DTNA: variants seen among roughly 807,000 people sequenced by gnomAD.
DTNA encodes the protein dystrophin-related protein 3.
DTNA carries 43 observed loss-of-function variants against 100.7 expected under a neutral mutation model. The observed-to-expected ratio is 0.43, with a 90% CI of 0.33 to 0.55. The LOEUF (loss-of-function observed/expected upper bound fraction) is 0.55. Among genes scored for constraint, DTNA ranks in the 20% least tolerant of loss-of-function variants. DTNA has a pLI of 0.04. For synonymous variants in DTNA, 349 were observed against 347.9 expected, an observed-to-expected ratio of 1.00 and a Z score of -0.04; for missense variants, 798 against 953.9, an observed-to-expected ratio of 0.84 and a Z score of 2.15.
intron 1 of DTNA, among the ~76,000 whole-genome samples, chr18:34,723,114 A>G (rs983488389): frequency 6.6e-6 from 1 of 152,242 alleles, no homozygotes; most frequent in East Asian, 1.9e-4. Context: ...AAAGTTCACC[A>G]TGGAAAATCA....
chr18:34,712,644 G>A (rs905526119), intron 1 of DTNA, among the ~76,000 whole-genome samples: 6 of 152,178 alleles, frequency 3.9e-5, no homozygotes, highest in Admixed American at 2.6e-4. Context: ...GACTTTTGAT[G>A]TACTTGCTTT....
At chr18:34,819,223 C>T (rs2149425365) in intron 8 of DTNA, among the ~76,000 whole-genome samples, 1 of 152,264 alleles carries the variant, frequency 6.6e-6, no homozygotes, top group Non-Finnish European at 1.5e-5. Context: ...AACCTTTAGT[C>T]TTTACTTAAA....
intron 1 of DTNA, among the ~76,000 whole-genome samples, chr18:34,617,675 C>T (rs2055592065): frequency 6.6e-6 from 1 of 152,120 alleles, no homozygotes; most frequent in South Asian, 2.1e-4. Flanking sequence ...CCTCAATGTT[C>T]TGGAATAGTT....
chr18:34,817,190 G>A lies in DTNA; in HGVS notation c.710-974G>A, dbSNP rs562246738. ...AGTCCCACTCTAGTCTTTCTCAAGA[G>A]CCGGGAAGAAAGGTTATGACACTTG... On this transcript the variant is annotated intron_variant, in intron 7 of 22. Coordinates refer to ENST00000444659, the MANE Select transcript of DTNA (RefSeq NM_001386795.1). Among the ~76,000 whole-genome samples, 29 of 152,322 alleles carry A rather than the reference G, an allele frequency of 1.9e-4. No homozygotes were observed. The East Asian group carries it at 5.2e-3, about 27-fold the overall frequency.
At chr18:34,758,309 A>G (rs8092016) in intron 2 of DTNA, among the ~76,000 whole-genome samples, 1 of 152,124 alleles carries the variant, frequency 6.6e-6, no homozygotes, top group African/African-American at 2.4e-5. Context: ...ATATTTAAAG[A>G]AAAAACAACA....
chr18:34,689,726 T>C (rs1189016978), intron 1 of DTNA, among the ~76,000 whole-genome samples: 1 of 152,186 alleles, frequency 6.6e-6, no homozygotes, highest in Non-Finnish European at 1.5e-5. Flanking sequence ...ATGTTTAAGT[T>C]TGCTGAAGCT....
At chr18:34,735,019 T>C (rs2089234850) in intron 1 of DTNA, among the ~76,000 whole-genome samples, 1 of 152,126 alleles carries the variant, frequency 6.6e-6, no homozygotes, top group Non-Finnish European at 1.5e-5. Context: ...GTCAGGGTTG[T>C]CTAGAAGGAC....
chr18:34,785,669 C>G (rs1485278630), intron 3 of DTNA, among the ~76,000 whole-genome samples: 1 of 151,996 alleles, frequency 6.6e-6, no homozygotes, highest in Non-Finnish European at 1.5e-5. Flanking sequence ...ATGTCAAATC[C>G]CATTGTATAC....
chr18:34,694,202 C>T (rs2080195872), intron 1 of DTNA, among the ~76,000 whole-genome samples: 1 of 152,068 alleles, frequency 6.6e-6, no homozygotes, highest in Non-Finnish European at 1.5e-5. Flanking sequence ...TGCTAATTGC[C>T]CCTTTACTTC....
intron 1 of DTNA, among the ~76,000 whole-genome samples, chr18:34,604,653 T>C (rs963615646): frequency 1.3e-5 from 2 of 152,222 alleles, no homozygotes; most frequent in Non-Finnish European, 2.9e-5. Flanking sequence ...AAATATCTTA[T>C]GTAGCTGTTT....
At chr18:34,504,062 T>C (rs2040234615) in intron 1 of DTNA, 1 of 151,998 alleles carries the variant, frequency 6.6e-6, no homozygotes, top group East Asian at 1.9e-4. Flanking sequence ...TTCACTGTGT[T>C]AGCCAGGATG....
chr18:34,612,940 A>G (rs2054526136), intron 1 of DTNA, among the ~76,000 whole-genome samples: 1 of 152,160 alleles, frequency 6.6e-6, no homozygotes, highest in South Asian at 2.1e-4. Flanking sequence ...GTCATATTTC[A>G]TTTTATTGCA....
rs1250019215 is a variant in DTNA at position 34,556,470 on chromosome 18, G to C, written c.-2+62956G>C. Among the ~76,000 whole-genome samples, 2 of 151,282 alleles carry C rather than the reference G, an allele frequency of 1.3e-5. 1 individual carries two copies. The highest frequency in any genetic ancestry group is 3.0e-5 in the Non-Finnish European group (2 of 67,726). ...GATGCAGTTTCTTCCTAGTCTCGAT[G>C]GTCTTTACATTTTGGCATGATTTTG... On this transcript the variant is annotated intron_variant, in intron 1 of 19. Coordinates refer to the DTNA transcript ENST00000283365.
chr18:34,845,517 A>T (rs2096360646), intron 13 of DTNA, among the ~76,000 whole-genome samples: 3 of 152,124 alleles, frequency 2.0e-5, no homozygotes, highest in Admixed American at 2.0e-4. Context: ...GTCACTTTCA[A>T]GGTGTCAAAG....
intron 2 of DTNA, among the ~76,000 whole-genome samples, chr18:34,765,256 G>C (rs1481867262): frequency 6.6e-6 from 1 of 152,140 alleles, no homozygotes; most frequent in Non-Finnish European, 1.5e-5. Flanking sequence ...CTCTAAGTTA[G>C]GAAGGAACTG....
intron 1 of DTNA, among the ~76,000 whole-genome samples, chr18:34,518,295 T>C (rs1209545872): frequency 6.6e-6 from 1 of 152,156 alleles, no homozygotes; most frequent in Admixed American, 6.6e-5. Context: ...TTTTTACTGG[T>C]AGGTTTTGAG....
At chr18:34,510,216 CA>C (rs2040917166) in intron 1 of DTNA, among the ~76,000 whole-genome samples, 1 of 151,288 alleles carries the variant, frequency 6.6e-6, no homozygotes, top group Non-Finnish European at 1.5e-5. Flanking sequence ...CATTTATGAA[CA>C]GTGCTAATCT....
intron 1 of DTNA, among the ~76,000 whole-genome samples, chr18:34,508,399 C>T (rs2040706097): frequency 6.6e-6 from 1 of 152,042 alleles, no homozygotes; most frequent in Non-Finnish European, 1.5e-5. Context: ...TTACTGTATG[C>T]TGGCATTTTT....
Position 34,858,317 on chromosome 18 carries a change from T to G in DTNA, c.1565T>G (p.Leu522Arg), listed in dbSNP as rs757406622. 1 of 1,614,112 alleles carries G rather than the reference T, an allele frequency of 6.2e-7. No individual in the cohort carries two copies. The highest frequency in any genetic ancestry group is 8.5e-7 in the Non-Finnish European group (1 of 1,180,020). ...TTACAGGAGATCCAGAGACTTCGGC[T>G]AGAGCATGAACAAGCTTCTCAGCCC... ...EILQEIQRLR[L>R]EHEQASQPTP... is the part of the protein sequence containing the mutation. The change falls in exon 16 of 23, where the codon CTA becomes CGA. Residue 522 changes from leucine to arginine, a missense_variant. Around this residue, in one of 6 missense-constraint regions of DTNA, gnomAD observed 159 missense variants for 201.2 expected, o/e 0.79. Transcript: ENST00000444659.
Sources: gnomAD v4.1 joint callset for allele counts (sites outside exome capture counted in the v4.1 genomes callset) on GRCh38, gnomAD v4.1.1 for gene constraint, gnomAD v4.1.1 regional missense constraint, MANE v1.5 for transcripts, NCBI Gene and HGNC (gene_info 2026-07-23, HGNC 2026-07-21) for gene names.